The following RIMS3 variants were observed in gnomAD, a reference collection of about 807,000 sequenced individuals.
RIMS3 encodes the protein regulating synaptic membrane exocytosis protein 3.
A neutral mutation model predicts 29.2 loss-of-function variants in RIMS3; 15 were observed. That is an observed-to-expected ratio of 0.51 (90% CI 0.34 to 0.79). The LOEUF (loss-of-function observed/expected upper bound fraction) is 0.79, where lower values mean the gene tolerates loss of function less well. RIMS3 is among the 30% of genes least tolerant of loss of function. RIMS3 has a pLI of 0.01. For synonymous variants in RIMS3, 161 were observed against 170.1 expected (o/e 0.95, Z 0.41); for missense variants, 342 against 421.4 (o/e 0.81, Z 1.65).
At chr1:40,671,137 GC>G in the RIMS3 span, among the ~76,000 whole-genome samples, 1 of 152,148 alleles carries the variant, frequency 6.6e-6, no homozygotes, top group Admixed American at 6.5e-5. Flanking sequence ...TGCTGGACTT[GC>G]TGTTTTATTG....
chr1:40,664,265 A>G (rs1642394605), intron 1 of RIMS3, among the ~76,000 whole-genome samples: 1 of 141,114 alleles, frequency 7.1e-6, no homozygotes, highest in Non-Finnish European at 1.5e-5. Context: ...CCTCCCAACC[A>G]AGAATGCCCC....
intron 1 of RIMS3, among the ~76,000 whole-genome samples, chr1:40,662,410 T>G (rs1465553256): frequency 1.9e-5 from 1 of 53,878 alleles, no homozygotes; most frequent in Non-Finnish European, 4.0e-5. Context: ...AGTGATAGGT[T>G]CCAGAGCCCA....
chr1:40,691,871 T>G, the RIMS3 span: 5 of 400,614 alleles, frequency 1.2e-5, no homozygotes, highest in East Asian at 2.9e-4. Flanking sequence ...AGCAGAGGTG[T>G]GTGAGTGTGC....
At chr1:40,691,529 CAG>C in the RIMS3 span, 6 of 299,316 alleles carry the variant, frequency 2.0e-5, no homozygotes, top group Admixed American at 1.0e-4. Flanking sequence ...GGTCAAAACT[CAG>C]ATCTCGAGCT....
At chr1:40,655,028 C>T (rs1642254997) in intron 1 of RIMS3, among the ~76,000 whole-genome samples, 1 of 152,230 alleles carries the variant, frequency 6.6e-6, no homozygotes, top group African/African-American at 2.4e-5. Flanking sequence ...TCCTTGCCAT[C>T]TGCCTTCTCT....
At chr1:40,690,392 C>T in the RIMS3 span, 6 of 151,806 alleles carry the variant, frequency 4.0e-5, no homozygotes, top group East Asian at 1.9e-4. Flanking sequence ...GACAGGGCCT[C>T]GCACTGTCGC....
the RIMS3 span, among the ~76,000 whole-genome samples, chr1:40,678,900 T>C: frequency 6.6e-6 from 1 of 152,214 alleles, no homozygotes; most frequent in Non-Finnish European, 1.5e-5. Flanking sequence ...AGGGAATTGG[T>C]GTCAGAGAAC....
chr1:40,670,555 ATAAG>A (rs1642478407), upstream of RIMS3, among the ~76,000 whole-genome samples: 4 of 113,282 alleles, frequency 3.5e-5, no homozygotes, highest in South Asian at 1.2e-3. Flanking sequence ...TAAATTTTCC[ATAAG>A]TGTTAGTTAT....
the RIMS3 span, among the ~76,000 whole-genome samples, chr1:40,685,366 TA>T: frequency 1.7e-4 from 16 of 96,162 alleles, no homozygotes; most frequent in East Asian, 3.8e-3. Context: ...TATAATATAA[TA>T]TATATTAATA....
intron 2 of RIMS3, among the ~76,000 whole-genome samples, chr1:40,645,653 T>C (rs776829280): frequency 6.6e-6 from 1 of 152,084 alleles, no homozygotes; most frequent in East Asian, 1.9e-4. Context: ...AACCGGACCA[T>C]AGCTGGAGAA....
At chr1:40,661,163 G>T (rs1038242673) in intron 1 of RIMS3, among the ~76,000 whole-genome samples, 4 of 152,120 alleles carry the variant, frequency 2.6e-5, no homozygotes, top group Non-Finnish European at 5.9e-5. Context: ...TGCGACTTTG[G>T]CTAGGTCACC....
chr1:40,688,909 C>CT, the RIMS3 span, among the ~76,000 whole-genome samples: 2 of 152,182 alleles, frequency 1.3e-5, no homozygotes, highest in Non-Finnish European at 2.9e-5. Flanking sequence ...ATTACAATAT[C>CT]TACCTTCTTC....
chr1:40,683,971 A>G, the RIMS3 span, among the ~76,000 whole-genome samples: 4 of 152,198 alleles, frequency 2.6e-5, no homozygotes. Flanking sequence ...ATAGAGTTAC[A>G]GTAGATACAA....
At chr1:40,646,444 T>C (rs1646596327) in intron 2 of RIMS3, among the ~76,000 whole-genome samples, 1 of 152,076 alleles carries the variant, frequency 6.6e-6, no homozygotes, top group Non-Finnish European at 1.5e-5. Context: ...AAATAAACTA[T>C]ACCCTTCCCA....
At chr1:40,629,551 C>A (rs1183295131) in intron 5 of RIMS3, among the ~76,000 whole-genome samples, 179 bp from the exon 6 acceptor site, 1 of 152,160 alleles carries the variant, frequency 6.6e-6, no homozygotes, top group Non-Finnish European at 1.5e-5. Flanking sequence ...AGCTGAGGGA[C>A]CCTTTGATAG....
chr1:40,685,216 G>C, the RIMS3 span, among the ~76,000 whole-genome samples: 26 of 150,716 alleles, frequency 1.7e-4, no homozygotes, highest in African/African-American at 6.4e-4. Context: ...TGTTAGTTCA[G>C]AGTCTCAGGA....
chr1:40,635,841 C>A lies in RIMS3; in HGVS notation c.359+75G>T, dbSNP rs1646515462. ...GCTGGAAACAAAACAGGGAGGCTTT[C>A]CCACCCTGCCCAGTGGCTCTGTGAC... On this transcript the variant is annotated intron_variant, in intron 4 of 7. Coordinates refer to ENST00000372684, the MANE Select transcript of RIMS3 (RefSeq NM_014747.3). This position sits in a 1 kb window ranked among gnomAD's most constrained non-coding sequence, Gnocchi z 4.1. The A allele has an allele frequency of 1.9e-6, 3 of 1,569,764 alleles. No individual in the cohort carries two copies. The highest frequency in any genetic ancestry group is 2.6e-6 in the Non-Finnish European group (3 of 1,153,354).
intron 5 of RIMS3, 142 bp from the exon 6 acceptor site, chr1:40,629,514 A>C: frequency 9.6e-6 from 7 of 727,280 alleles, no homozygotes; most frequent in Admixed American, 2.0e-5. Flanking sequence ...ATGGGCCAAA[A>C]CTGCTCTCGG....
At position 40,623,039 on chromosome 1, in the gene RIMS3, T is replaced by G. The variant is rs1570163990; in HGVS notation, c.*3478A>C. On this transcript the variant is annotated 3_prime_UTR_variant, in exon 8 of 8. Transcript: ENST00000372684. ...AGATCAGGCATGCTTCCCTGGTGGG[T>G]GGCATGACCATGGGAGGACTGGCTT... is the stretch of plus-strand genomic sequence containing the variant. 5.0e-6 allele frequency: 1 copy of G among 200,112 alleles called. No homozygotes were observed. The highest frequency in any genetic ancestry group is 1.0e-5 in the Non-Finnish European group (1 of 99,956). 12.4% of individuals were successfully genotyped at this position (200,112 alleles called of 1,614,324 possible).
Sources: gnomAD v4.1 joint callset for allele counts (sites outside exome capture counted in the v4.1 genomes callset) on GRCh38, gnomAD v4.1.1 for gene constraint, Gnocchi (gnomAD v3.1) non-coding constraint, MANE v1.5 for transcripts, NCBI Gene and HGNC (gene_info 2026-07-23, HGNC 2026-07-21) for gene names.